GNAO1: variants seen among roughly 807,000 people sequenced by gnomAD.
GNAO1 encodes the protein G protein subunit alpha o1, also known as guanine nucleotide-binding protein G(o) subunit alpha.
For synonymous variants in GNAO1, 164 were observed against 180.7 expected, an observed-to-expected ratio of 0.91 and a Z score of 0.74; for missense variants, 166 against 478.7, an observed-to-expected ratio of 0.35 and a Z score of 6.10.
At chr16:56,350,851 CA>C (rs1327943713) in intron 6 of GNAO1, among the ~76,000 whole-genome samples, 1 of 152,144 alleles carries the variant, frequency 6.6e-6, no homozygotes, top group Non-Finnish European at 1.5e-5. Context: ...CAGGAAGGGC[CA>C]AAGCCCAGCT....
chr16:56,296,590 G>A lies in GNAO1; in HGVS notation c.303+20518G>A, dbSNP rs564219730. On this transcript the variant is annotated intron_variant, in intron 3 of 8. Coordinates refer to ENST00000262493, the MANE Select transcript of GNAO1 (RefSeq NM_020988.3). ...GGGACACACAGATGCTGAGCCTGAGGATCAAGGCTATTCAGGGTGCCTCTG... is the reference window on the plus strand; with the variant it reads ...GGGACACACAGATGCTGAGCCTGAGAATCAAGGCTATTCAGGGTGCCTCTG... Among the ~76,000 whole-genome samples, 5 of 152,254 alleles carry A rather than the reference G, an allele frequency of 3.3e-5. No homozygotes were observed. In the South Asian group the frequency reaches 1.0e-3, roughly 32 times the overall value.
At chr16:56,325,917 G>A (rs1429750266) in intron 3 of GNAO1, among the ~76,000 whole-genome samples, 1 of 152,156 alleles carries the variant, frequency 6.6e-6, no homozygotes, top group African/African-American at 2.4e-5. Context: ...CGACTCTGGG[G>A]CCACATTCTC....
At chr16:56,340,640 T>G (rs2037793088) in intron 6 of GNAO1, 3 of 597,802 alleles carry the variant, frequency 5.0e-6, no homozygotes, top group Non-Finnish European at 9.1e-6. Flanking sequence ...CCTGCCTGCG[T>G]GTGGAATGAA....
intron 3 of GNAO1, among the ~76,000 whole-genome samples, chr16:56,310,373 A>G (rs1333496230): frequency 6.6e-6 from 1 of 152,232 alleles, no homozygotes; most frequent in Non-Finnish European, 1.5e-5. Context: ...TTATACAAAC[A>G]GCAGAAATTT....
chr16:56,300,038 C>CGT (rs1173301226), intron 3 of GNAO1, among the ~76,000 whole-genome samples: 4 of 127,060 alleles, frequency 3.1e-5, no homozygotes, highest in Admixed American at 7.7e-5. Flanking sequence ...TGTGTGTGTG[C>CGT]GCGCGCGCGC....
chr16:56,241,162 G>A (rs868173975), intron 2 of GNAO1, among the ~76,000 whole-genome samples: 16 of 152,226 alleles, frequency 1.1e-4, no homozygotes, highest in African/African-American at 3.6e-4. Context: ...CTCTGACGCT[G>A]CTCCCATGGA....
At chr16:56,344,241 G>T (rs1309266582) in intron 6 of GNAO1, 10 of 1,358,108 alleles carry the variant, frequency 7.4e-6, no homozygotes, top group Non-Finnish European at 9.5e-6. Context: ...GGGGGACAGG[G>T]CAGGGCCCAG....
intron 2 of GNAO1, among the ~76,000 whole-genome samples, chr16:56,201,171 G>A (rs1162998680): frequency 1.3e-5 from 2 of 152,200 alleles, no homozygotes; most frequent in Non-Finnish European, 2.9e-5. Context: ...TACACAGTGT[G>A]CTATGGTAGA....
intron 2 of GNAO1, among the ~76,000 whole-genome samples, chr16:56,256,710 CTCTCTCTCTGTGTGTG>C (rs1289781654): frequency 3.1e-4 from 37 of 120,524 alleles, no homozygotes; most frequent in African/African-American, 1.2e-3. Flanking sequence ...CTCTCTCTCT[CTCTCTCTCTGTGTGTG>C]TGTGTGTGTG....
intron 2 of GNAO1, among the ~76,000 whole-genome samples, chr16:56,220,449 C>T (rs1320382202): frequency 2.0e-5 from 3 of 152,212 alleles, no homozygotes; most frequent in African/African-American, 7.2e-5. Context: ...TCACAGCATT[C>T]TGGAGAAGTT....
At chr16:56,345,390 C>T (rs1211654555) in intron 6 of GNAO1, 8 of 985,562 alleles carry the variant, frequency 8.1e-6, no homozygotes, top group Middle Eastern at 5.2e-4. Flanking sequence ...CTGCTTAGTC[C>T]CCAGCCAGGC....
At chr16:56,307,315 C>T (rs577569542) in intron 3 of GNAO1, 9 of 152,328 alleles carry the variant, frequency 5.9e-5, no homozygotes, top group South Asian at 2.1e-4. Context: ...GCTGGGCCTC[C>T]GCGTTGGTAG....
chr16:56,193,807 G>C (rs1397648342), intron 2 of GNAO1: 3 of 323,080 alleles, frequency 9.3e-6, no homozygotes, highest in Non-Finnish European at 1.8e-5. Flanking sequence ...AGACGGAGGA[G>C]TTCGTTTAGA....
chr16:56,337,463 G>T (rs2037753943), intron 6 of GNAO1, among the ~76,000 whole-genome samples: 1 of 152,220 alleles, frequency 6.6e-6, no homozygotes, highest in African/African-American at 2.4e-5. Flanking sequence ...CCAAATGCCA[G>T]ACCAGGCTCC....
At chr16:56,225,525 G>A (rs552916595) in intron 2 of GNAO1, among the ~76,000 whole-genome samples, 1 of 152,332 alleles carries the variant, frequency 6.6e-6, no homozygotes, top group Admixed American at 6.5e-5. Context: ...TTAAATATGA[G>A]CTTAGTTCAG....
At chr16:56,304,133 G>C (rs1352785778) in intron 3 of GNAO1, among the ~76,000 whole-genome samples, 1 of 152,210 alleles carries the variant, frequency 6.6e-6, no homozygotes, top group Non-Finnish European at 1.5e-5. Context: ...CCAGTGGAGA[G>C]ACTTGTAAAC....
chr16:56,289,516 T>C (rs1032043014), intron 3 of GNAO1, among the ~76,000 whole-genome samples: 9 of 152,170 alleles, frequency 5.9e-5, no homozygotes, highest in Admixed American at 1.3e-4. Context: ...GCAGCATCTG[T>C]GTCAAGGGTA....
At chr16:56,195,679 G>A (rs1196617439) in intron 2 of GNAO1, among the ~76,000 whole-genome samples, 1 of 152,196 alleles carries the variant, frequency 6.6e-6, no homozygotes, top group Non-Finnish European at 1.5e-5. Context: ...CCCTCTTTAG[G>A]TTACACCCTG....
At chr16:56,197,293 A>G (rs1417403885) in intron 2 of GNAO1, among the ~76,000 whole-genome samples, 3 of 152,200 alleles carry the variant, frequency 2.0e-5, no homozygotes, top group Admixed American at 6.5e-5. Context: ...AGTCATCTCA[A>G]TGGCTGCTTT....
Sources: allele counts gnomAD v4.1 joint callset (sites outside exome capture counted in the v4.1 genomes callset), GRCh38; gene constraint gnomAD v4.1.1; transcripts MANE v1.5; gene names NCBI Gene and HGNC (gene_info 2026-07-23, HGNC 2026-07-21).